Variants in RBFOX1 observed in about 807,000 individuals in gnomAD.
RBFOX1 encodes the protein RNA binding fox-1 homolog 1, also known as RNA binding protein fox-1 homolog 1.
RBFOX1 carries 8 observed loss-of-function variants against 57.7 expected under a neutral mutation model. The ratio of observed to expected loss-of-function variants is 0.14; its 90% CI spans 0.08 to 0.25. The LOEUF is 0.25. Ranked by LOEUF, RBFOX1 falls within the 10% of genes least tolerant of loss-of-function variation. The pLI is 1.00. For synonymous variants in RBFOX1, 326 were observed against 222.4 expected, an observed-to-expected ratio of 1.47 and a Z score of -4.15; for missense variants, 611 against 548.5, an observed-to-expected ratio of 1.11 and a Z score of -1.14.
At chr16:6,629,613 T>TA (rs1182477106) in intron 2 of RBFOX1, among the ~76,000 whole-genome samples, 2 of 152,072 alleles carry the variant, frequency 1.3e-5, no homozygotes, top group Non-Finnish European at 2.9e-5. Context: ...GCAAGATTCT[T>TA]AGAGTATTGG....
At chr16:7,072,929 C>T (rs1420953780) in intron 4 of RBFOX1, among the ~76,000 whole-genome samples, 2 of 152,178 alleles carry the variant, frequency 1.3e-5, no homozygotes, top group African/African-American at 2.4e-5. Flanking sequence ...ACAGAAAGGA[C>T]AGATCTGTGT....
intron 1 of RBFOX1, among the ~76,000 whole-genome samples, chr16:5,424,913 T>TTC (rs1222638618): frequency 8.1e-6 from 1 of 123,496 alleles, no homozygotes; most frequent in East Asian, 2.3e-4. Flanking sequence ...CTTTCTTTCT[T>TTC]TCTTTCTTTC....
chr16:6,246,815 T>G (rs1290344382), intron 1 of RBFOX1, among the ~76,000 whole-genome samples: 1 of 152,148 alleles, frequency 6.6e-6, no homozygotes, highest in Non-Finnish European at 1.5e-5. Flanking sequence ...ACGCCTATAA[T>G]CCCAGCACTT....
rs537552567 is a variant in RBFOX1, at chr16:7,599,703, T to G, written c.622+2272T>G. The stretch of plus-strand genomic sequence containing the variant: ...CTTTTTCACCCAGGCTGGAGGGCAG[T>G]GGCATGCTATTGGCTCATTGCACCC... On this transcript the variant is annotated intron_variant, in intron 9 of 15. Coordinates refer to ENST00000550418, the MANE Select transcript of RBFOX1 (RefSeq NM_018723.4). 5.1e-5 allele frequency among the ~76,000 whole-genome samples: 7 copies of G among 136,420 alleles called. No individual in the cohort carries two copies. In the East Asian group the frequency reaches 1.1e-3, roughly 22 times the overall value. 89.5% of individuals were successfully genotyped at this position (136,420 alleles called of 152,430 possible). A position where few individuals can be genotyped will look rare whatever the true frequency, so the allele number is the denominator to read the frequency against.
At chr16:6,669,867 G>C (rs1285175066) in intron 3 of RBFOX1, among the ~76,000 whole-genome samples, 2 of 152,194 alleles carry the variant, frequency 1.3e-5, no homozygotes, top group Non-Finnish European at 2.9e-5. Context: ...GATGGAGCCA[G>C]GGAGGTAGAC....
At chr16:5,515,727 G>C (rs1266254638) in intron 2 of RBFOX1, among the ~76,000 whole-genome samples, 1 of 152,164 alleles carries the variant, frequency 6.6e-6, no homozygotes, top group Non-Finnish European at 1.5e-5. Flanking sequence ...TTCTGCTGCA[G>C]AGAAGCTTTG....
In RBFOX1 at chr16:6,146,539, T is replaced by C. The variant is rs1452665535; in HGVS notation, c.-127+126547T>C. Among the ~76,000 whole-genome samples, 3 of 152,158 alleles carry C rather than the reference T, an allele frequency of 2.0e-5. No individual in the cohort carries two copies. In the East Asian group the frequency reaches 5.8e-4, roughly 29 times the overall value. On this transcript the variant is annotated intron_variant, in intron 1 of 15. Transcript: ENST00000550418. ...GTGCCTTGGCTGAGAACCCCTCCTC[T>C]GGATGGCTTCCCAGTGGCTACTGAT... is the stretch of plus-strand genomic sequence containing the variant.
intron 4 of RBFOX1, among the ~76,000 whole-genome samples, chr16:7,427,367 G>A (rs1019600368): frequency 3.9e-5 from 6 of 152,182 alleles, no homozygotes; most frequent in Non-Finnish European, 7.4e-5. Flanking sequence ...AGATGCTGAT[G>A]CTGCTGGTCT....
intron 2 of RBFOX1, among the ~76,000 whole-genome samples, chr16:6,408,699 T>C (rs1285932021): frequency 6.6e-6 from 1 of 152,152 alleles, no homozygotes; most frequent in Non-Finnish European, 1.5e-5. Flanking sequence ...TTGTTACGGT[T>C]TTAGCAAGTT....
intron 1 of RBFOX1, among the ~76,000 whole-genome samples, chr16:5,379,495 A>C (rs900780409): frequency 6.8e-6 from 1 of 147,180 alleles, no homozygotes; most frequent in African/African-American, 2.7e-5. Context: ...TTCACACCTT[A>C]GTCTAAACAA....
chr16:6,252,731 G>A (rs1488902056), intron 1 of RBFOX1, among the ~76,000 whole-genome samples: 6 of 152,226 alleles, frequency 3.9e-5, no homozygotes. Flanking sequence ...AACAAGATAA[G>A]TACATAATTA....
intron 1 of RBFOX1, among the ~76,000 whole-genome samples, chr16:5,452,305 G>A (rs1426993538): frequency 6.6e-6 from 1 of 151,652 alleles, no homozygotes; most frequent in African/African-American, 2.4e-5. Context: ...TTTTAGCAGA[G>A]ATAAGGTTTT....
intron 2 of RBFOX1, among the ~76,000 whole-genome samples, chr16:6,596,502 G>T (rs538771781): frequency 6.7e-6 from 1 of 148,680 alleles, no homozygotes; most frequent in South Asian, 2.1e-4. Context: ...AACTGCAAAA[G>T]GAGGGGTCCC....
At chr16:5,515,023 G>C (rs1381273055) in intron 2 of RBFOX1, among the ~76,000 whole-genome samples, 1 of 152,052 alleles carries the variant, frequency 6.6e-6, no homozygotes, top group Non-Finnish European at 1.5e-5. Flanking sequence ...TGGTGTCAGA[G>C]GGAGGAGCAA....
chr16:7,439,589 C>T (rs1034970), intron 4 of RBFOX1, among the ~76,000 whole-genome samples: 149,080 of 152,296 alleles, frequency 0.98, 73,049 homozygotes, highest in East Asian at 1. Context: ...TTAATCCATG[C>T]TTTAAATGCA....
rs1260365514 is a variant in RBFOX1 at position 6,830,124 on chromosome 16, C to T, written c.-16+175474C>T. On this transcript the variant is annotated intron_variant, in intron 3 of 15. Transcript: ENST00000550418. ...TGGAGACAAGGTTTTACCATGTTGG[C>T]CAGGCTGGTCTTGAATTCCTGACCT... 1.3e-5 allele frequency among the ~76,000 whole-genome samples: 2 copies of T among 151,826 alleles called. 1 individual carries two copies. The highest frequency in any genetic ancestry group is 4.2e-4 in the South Asian group (2 of 4,804).
chr16:7,208,941 A>T (rs942515992), intron 4 of RBFOX1, among the ~76,000 whole-genome samples: 1 of 152,004 alleles, frequency 6.6e-6, no homozygotes, highest in African/African-American at 2.4e-5. Context: ...GCATTAATCT[A>T]TTCATGAGGG....
intron 3 of RBFOX1, among the ~76,000 whole-genome samples, chr16:5,631,837 A>G (rs1404040275): frequency 1.3e-5 from 2 of 152,296 alleles, no homozygotes; most frequent in East Asian, 1.9e-4. Context: ...CAAAGTCAAA[A>G]TTTGGCCAAA....
At chr16:5,438,961 A>T (rs1364151452) in intron 1 of RBFOX1, among the ~76,000 whole-genome samples, 2 of 151,020 alleles carry the variant, frequency 1.3e-5, no homozygotes, top group African/African-American at 2.4e-5. Flanking sequence ...TAAGGAGGTA[A>T]CAAGTTAGTA....
Sources: allele counts gnomAD v4.1 joint callset (sites outside exome capture counted in the v4.1 genomes callset), GRCh38; gene constraint gnomAD v4.1.1; transcripts MANE v1.5; gene names NCBI Gene and HGNC (gene_info 2026-07-23, HGNC 2026-07-21).